The following B3GAT2 variants were observed in gnomAD, a reference collection of about 807,000 sequenced individuals.
B3GAT2 encodes the protein beta-1,3-glucuronyltransferase 2.
Under a neutral mutation model 27.8 loss-of-function variants are expected in B3GAT2, and 26 were observed. The ratio of observed to expected loss-of-function variants is 0.93; its 90% confidence interval spans 0.68 to 1.30. B3GAT2 has a LOEUF of 1.30. B3GAT2 is among the 50% of genes most tolerant of loss of function. The pLI is 0.00. For synonymous variants in B3GAT2, 218 were observed against 195.1 expected (o/e 1.12, Z -0.98); for missense variants, 458 against 459.0 (o/e 1.00, Z 0.02).
rs370336662 is a variant in B3GAT2, at chr6:70,956,048, G to T, written c.382C>A (p.Arg128Ser). Reference sequence around the variant, plus strand: ...GGCAGCCCGGCCCGCGCCAGGAAGCGGCTCACCAGCTCGCTGCGCGCCGCC... The same window carrying T: ...GGCAGCCCGGCCCGCGCCAGGAAGCTGCTCACCAGCTCGCTGCGCGCCGCC... Reference protein sequence around the residue: ...DAAARSELVSRFLARAGLPST... With the variant: ...DAAARSELVSSFLARAGLPST... The change falls in exon 1 of 4, where the codon CGC becomes AGC. Residue 128 changes from arginine to serine, a missense_variant. Transcript: ENST00000230053. 7 of 1,576,212 alleles carry T rather than the reference G, an allele frequency of 4.4e-6. No individual in the cohort carries two copies. Among genetic ancestry groups the T allele is most frequent in the Middle Eastern group, 3.9e-4 (2 of 5,180 alleles).
chr6:70,878,165 T>A (rs1772044519), intron 2 of B3GAT2, among the ~76,000 whole-genome samples: 1 of 152,230 alleles, frequency 6.6e-6, no homozygotes, highest in Admixed American at 6.5e-5. Flanking sequence ...GTACAGTGTT[T>A]TATATATAAT....
intron 1 of B3GAT2, among the ~76,000 whole-genome samples, chr6:70,914,932 T>C (rs755269830): frequency 1.3e-4 from 20 of 152,234 alleles, no homozygotes; most frequent in Non-Finnish European, 2.4e-4. Context: ...CAAATGGGAT[T>C]GCTGGGTCAA....
chr6:70,878,597 A>T (rs1320700773), intron 2 of B3GAT2, among the ~76,000 whole-genome samples: 2 of 149,434 alleles, frequency 1.3e-5, no homozygotes, highest in South Asian at 2.1e-4. Flanking sequence ...ATTTAGAGCA[A>T]TTTAATTTTT....
chr6:70,939,522 A>G (rs1179126309), intron 1 of B3GAT2, among the ~76,000 whole-genome samples: 3 of 151,442 alleles, frequency 2.0e-5, no homozygotes, highest in Non-Finnish European at 4.4e-5. Flanking sequence ...GATAGACTGG[A>G]TTAAGAAAAT....
intron 2 of B3GAT2, among the ~76,000 whole-genome samples, chr6:70,873,915 T>A (rs1223992806): frequency 1.3e-5 from 2 of 152,162 alleles, no homozygotes; most frequent in Non-Finnish European, 2.9e-5. Flanking sequence ...ATAATTTCTA[T>A]CTCTTTATTG....
At chr6:70,936,683 T>A (rs968934527) in intron 1 of B3GAT2, among the ~76,000 whole-genome samples, 55 of 151,996 alleles carry the variant, frequency 3.6e-4, no homozygotes, top group African/African-American at 8.4e-4. Context: ...AAGGCAGAAA[T>A]AAAGATGTTC....
chr6:70,926,180 C>T (rs1336995359), intron 1 of B3GAT2, among the ~76,000 whole-genome samples: 1 of 152,004 alleles, frequency 6.6e-6, no homozygotes, highest in African/African-American at 2.4e-5. Context: ...AGGTCACCAT[C>T]ATCAAAGACC....
Position 70,877,187 on chromosome 6 carries a change from GT to G in B3GAT2, c.737-15210del, listed in dbSNP as rs564932015. On this transcript the variant is annotated intron_variant, in intron 2 of 3. Transcript: ENST00000230053. The stretch of plus-strand genomic sequence containing the variant: ...AGCAAAGTGTCTGCTGCACTAGATG[GT>G]TCAGGTAAGAGCAGACAGATGGGCC... Among the ~76,000 whole-genome samples the G allele has an allele frequency of 1.8e-4, 27 of 152,342 alleles. 2 individuals are homozygous for G. In the South Asian group the frequency reaches 5.6e-3, roughly 32 times the overall value.
chr6:70,928,362 C>CAA lies in B3GAT2; in HGVS notation c.591+27475_591+27476dup, dbSNP rs566751039. 8.6e-4 allele frequency among the ~76,000 whole-genome samples: 118 copies of CAA among 137,620 alleles called. 2 individuals are homozygous for CAA. The Middle Eastern group carries it at 0.045, about 53-fold the overall frequency. 90.3% of individuals were successfully genotyped at this position (137,620 alleles called of 152,430 possible). ...ACCAGAACTGAAGGCGACAGAGACACAAAAAAAAAAACTTCAAAAAATCAA... is the reference window on the plus strand; with the variant it reads ...ACCAGAACTGAAGGCGACAGAGACACAAAAAAAAAAAAACTTCAAAAAATCAA... On this transcript the variant is annotated intron_variant, in intron 1 of 3. Coordinates refer to ENST00000230053, the MANE Select transcript of B3GAT2 (RefSeq NM_080742.3).
intron 1 of B3GAT2, among the ~76,000 whole-genome samples, chr6:70,917,092 T>TTTAG (rs879848299): frequency 3.3e-5 from 5 of 152,244 alleles, no homozygotes; most frequent in Non-Finnish European, 5.9e-5. Context: ...CACTGAACTA[T>TTTAG]TTAGAGATTC....
chr6:70,874,707 C>A (rs777437126), intron 2 of B3GAT2, among the ~76,000 whole-genome samples: 1 of 152,076 alleles, frequency 6.6e-6, no homozygotes, highest in Non-Finnish European at 1.5e-5. Flanking sequence ...TTGACAAACG[C>A]CCCCAGGGAA....
chr6:70,914,175 C>A (rs1369893531), intron 1 of B3GAT2, among the ~76,000 whole-genome samples: 1 of 152,056 alleles, frequency 6.6e-6, no homozygotes, highest in Non-Finnish European at 1.5e-5. Context: ...GGTACATGTG[C>A]ACAACATGCA....
In B3GAT2 at chr6:70,859,725, A is replaced by C. The variant is rs1000567722; in HGVS notation, c.*1938T>G. The C allele has an allele frequency of 4.9e-4, 93 of 191,020 alleles. No homozygotes were observed. Among genetic ancestry groups the C allele is most frequent in the African/African-American group, 2.1e-3 (90 of 42,872 alleles). The allele number at this position is 191,020 out of a possible 1,614,324, so 11.8% of individuals were successfully genotyped here. On this transcript the variant is annotated 3_prime_UTR_variant, in exon 4 of 4. Coordinates refer to ENST00000230053, the MANE Select transcript of B3GAT2 (RefSeq NM_080742.3). ...TGCATACAATGAAAATAAATTTTAG[A>C]TGTTTATGTTGTTAGATCAGCGAGA...
At chr6:70,934,424 T>C (rs1393505216) in intron 1 of B3GAT2, among the ~76,000 whole-genome samples, 1 of 130,086 alleles carries the variant, frequency 7.7e-6, no homozygotes. Context: ...TGCTCACCCA[T>C]CCTGTATTGT....
intron 2 of B3GAT2, among the ~76,000 whole-genome samples, chr6:70,885,992 T>C (rs1326261658): frequency 6.6e-6 from 1 of 152,256 alleles, no homozygotes; most frequent in African/African-American, 2.4e-5. Context: ...GTGAGCCAGC[T>C]GAACCCAAAG....
chr6:70,937,009 A>C (rs1310975430), intron 1 of B3GAT2, among the ~76,000 whole-genome samples: 24 of 152,234 alleles, frequency 1.6e-4, no homozygotes, highest in Non-Finnish European at 8.8e-5. Context: ...ACCACTAGCA[A>C]GACTAATAAA....
At position 70,857,887 on chromosome 6, in the gene B3GAT2, GCT is replaced by G. The variant is rs71665879; in HGVS notation, c.*3774_*3775del. On this transcript the variant is annotated 3_prime_UTR_variant, in exon 4 of 4. Transcript: ENST00000230053. Reference sequence around the variant, plus strand: ...GAGATGAGTGCAACTACACGTGATAGCTCTGTCTTCATTCATTTTCTTTTTGT... The same window carrying G: ...GAGATGAGTGCAACTACACGTGATAGCTGTCTTCATTCATTTTCTTTTTGT... 1,979 of 1,602,754 alleles carry G rather than the reference GCT, an allele frequency of 1.2e-3. 17 individuals carry two copies. The African/African-American group carries it at 0.023, about 19-fold the overall frequency.
At position 70,956,167 on chromosome 6, in the gene B3GAT2, G is replaced by A. The variant is rs762149503; in HGVS notation, c.263C>T (p.Thr88Ile). 15 of 1,609,532 alleles carry A rather than the reference G, an allele frequency of 9.3e-6. No individual in the cohort carries two copies. In the African/African-American group the frequency reaches 1.1e-4, roughly 11 times the overall value. ...QLPTIYAITPTYSRPVQKAEL... is the reference protein window; with the variant it reads ...QLPTIYAITPIYSRPVQKAEL... ...CGCTTTCTGCACCGGGCGGCTGTAG[G>A]TGGGCGTGATGGCATAGATGGTGGG... is the stretch of plus-strand genomic sequence containing the variant. Residue 88 changes from threonine to isoleucine, a missense_variant, in exon 1 of 4, where the codon ACC becomes ATC. Coordinates refer to ENST00000230053, the MANE Select transcript of B3GAT2 (RefSeq NM_080742.3).
rs574934230 is a variant in B3GAT2, at chr6:70,891,314, T to G, written c.736+2814A>C. On this transcript the variant is annotated intron_variant, in intron 2 of 3. Coordinates refer to ENST00000230053, the MANE Select transcript of B3GAT2 (RefSeq NM_080742.3). ...TCTTGTGGGCAGGCATATTAATTTT[T>G]TTAAGTAGTAATCATTATTTTAAAA... is the stretch of plus-strand genomic sequence containing the variant. Among the ~76,000 whole-genome samples, 254 of 152,334 alleles carry G rather than the reference T, an allele frequency of 1.7e-3. 4 individuals carry two copies. Among genetic ancestry groups the G allele is most frequent in the East Asian group, 5.8e-4 (3 of 5,188 alleles).
Sources: allele counts gnomAD v4.1 joint callset (sites outside exome capture counted in the v4.1 genomes callset), GRCh38; gene constraint gnomAD v4.1.1; transcripts MANE v1.5; gene names NCBI Gene and HGNC (gene_info 2026-07-23, HGNC 2026-07-21).